BTAF1: variants seen among roughly 807,000 people sequenced by gnomAD.
BTAF1 encodes the protein TATA-binding protein-associated factor 172.
A neutral mutation model predicts 227.1 loss-of-function variants in BTAF1; 38 were observed. That is an observed-to-expected ratio of 0.17 (90% CI 0.13 to 0.22). The LOEUF (loss-of-function observed/expected upper bound fraction) is 0.22, where lower values mean the gene tolerates loss of function less well. Ranked by LOEUF, BTAF1 falls within the 10% of genes least tolerant of loss-of-function variation. The pLI is 1.00. For missense variants in BTAF1, 1,598 were observed against 2,204.0 expected (o/e 0.73, Z 5.51); for synonymous variants, 742 against 751.9 (o/e 0.99, Z 0.21).
At chr10:91,962,812 A>G in intron 12 of BTAF1, 134 bp downstream of exon 12, 1 of 661,248 alleles carries the variant, frequency 1.5e-6, no homozygotes, top group Non-Finnish European at 2.5e-6. Context: ...CCTCTGATGC[A>G]TGCAATCTTG....
In BTAF1 at chr10:92,016,372, T is replaced by C. The variant is rs1171636577; in HGVS notation, c.4617T>C (p.Arg1539=). The C allele has an allele frequency of 1.9e-6, 3 of 1,599,802 alleles. No homozygotes were observed. The highest frequency in any genetic ancestry group is 3.5e-5 in the Admixed American group (2 of 57,524). Residue 1539 remains arginine (R), a synonymous_variant, in exon 33 of 38, where the codon CGT becomes CGC. Coordinates refer to ENST00000265990, the MANE Select transcript of BTAF1 (RefSeq NM_003972.3). The stretch of plus-strand genomic sequence containing the variant: ...TCTATGAAGATTTTGCTAAGTCTCG[T>C]GCCAAGTGTGATGTTGATGAAACAG... ...VQLYEDFAKS[R]AKCDVDETVS...
chr10:92,006,399 C>G (rs1849887005), intron 25 of BTAF1, among the ~76,000 whole-genome samples: 1 of 152,174 alleles, frequency 6.6e-6, no homozygotes, highest in African/African-American at 2.4e-5. Context: ...TTCATACTCT[C>G]TTACATTGAA....
At chr10:92,007,588 A>G (rs1442796482) in intron 25 of BTAF1, among the ~76,000 whole-genome samples, 1 of 152,240 alleles carries the variant, frequency 6.6e-6, no homozygotes, top group East Asian at 1.9e-4. Context: ...TCTAAGAAAT[A>G]TGACTACTAG....
Position 92,016,432 on chromosome 10 carries a change from A to C in BTAF1, c.4677A>C (p.Lys1559Asn), listed in dbSNP as rs1256794335. The change falls in exon 33 of 38, where the codon AAA becomes AAC. Residue 1559 changes from lysine to asparagine, a missense_variant. Lys to Asn is a moderately conservative substitution (Grantham distance 94). This residue lies in a region of BTAF1 where 205 missense variants were observed against 244.5 expected (regional missense o/e 0.84). Coordinates refer to ENST00000265990, the MANE Select transcript of BTAF1 (RefSeq NM_003972.3). Reference sequence around the variant, plus strand: ...CTACACTTTCTGAAGAAACTGAAAAACCAAAGCTTAAAGCTACAGGCCACG... The same window carrying C: ...CTACACTTTCTGAAGAAACTGAAAACCCAAAGCTTAAAGCTACAGGCCACG... Reference protein sequence around the residue: ...SSATLSEETEKPKLKATGHVF... With the variant: ...SSATLSEETENPKLKATGHVF... 6.3e-7 allele frequency: 1 copy of C among 1,590,224 alleles called. No individual in the cohort carries two copies. The highest frequency in any genetic ancestry group is 1.8e-5 in the Admixed American group (1 of 54,712).
At position 91,935,860 on chromosome 10, in the gene BTAF1, A is replaced by G. The variant is rs953806356; in HGVS notation, c.138+80A>G. On this transcript the variant is annotated intron_variant, in intron 2 of 37. Transcript: ENST00000265990. The stretch of plus-strand genomic sequence containing the variant: ...GATAGGAACACAAAAATAAAGGTAA[A>G]CATCATCTTAATTTTTAAACATTTT... 6 of 1,242,134 alleles carry G rather than the reference A, an allele frequency of 4.8e-6. No homozygotes were observed. The South Asian group carries it at 6.3e-5, about 13-fold the overall frequency. 76.9% of individuals were successfully genotyped at this position (1,242,134 alleles called of 1,614,324 possible).
At chr10:91,953,612 CA>C in intron 5 of BTAF1, 124 bp from the exon 6 acceptor site, 1 of 1,083,372 alleles carries the variant, frequency 9.2e-7, no homozygotes, top group Non-Finnish European at 1.3e-6. Context: ...GTGAACCTGT[CA>C]AAAAAGAATG....
intron 6 of BTAF1, among the ~76,000 whole-genome samples, chr10:91,954,240 G>A (rs534503690): frequency 6.6e-6 from 1 of 152,276 alleles, no homozygotes; most frequent in South Asian, 2.1e-4. Context: ...GAGAGTGATA[G>A]AGAATGAAAT....
chr10:91,986,281 T>C (rs1475001028), intron 19 of BTAF1, among the ~76,000 whole-genome samples: 1 of 152,208 alleles, frequency 6.6e-6, no homozygotes, highest in East Asian at 1.9e-4. Context: ...ATGCTGTGTA[T>C]CTGGGCCATT....
chr10:91,940,900 G>C (rs1844948510), intron 3 of BTAF1, among the ~76,000 whole-genome samples: 1 of 151,842 alleles, frequency 6.6e-6, no homozygotes, highest in Non-Finnish European at 1.5e-5. Context: ...GCCAGGCTCG[G>C]GGGGGTGGGG....
At chr10:91,937,097 C>T (rs527704338) in intron 2 of BTAF1, among the ~76,000 whole-genome samples, 1 of 151,196 alleles carries the variant, frequency 6.6e-6, no homozygotes, top group Non-Finnish European at 1.5e-5. Context: ...TGGGTTCAGG[C>T]GATTCTCCTG....
At chr10:91,941,847 T>G (rs912521884) in intron 3 of BTAF1, among the ~76,000 whole-genome samples, 1 of 152,234 alleles carries the variant, frequency 6.6e-6, no homozygotes, top group African/African-American at 2.4e-5. Context: ...CTTTTGTGGT[T>G]GGACACAGTT....
chr10:91,964,333 C>T (rs1211863024), intron 13 of BTAF1, 132 bp downstream of exon 13: 25 of 1,048,358 alleles, frequency 2.4e-5, no homozygotes, highest in Admixed American at 1.5e-4. Context: ...CAAAGACTAC[C>T]GTTTTCAGAA....
intron 22 of BTAF1, among the ~76,000 whole-genome samples, chr10:91,994,104 A>G (rs1287751028): frequency 1.3e-5 from 2 of 152,172 alleles, no homozygotes; most frequent in Non-Finnish European, 1.5e-5. Flanking sequence ...ACTTGAGGTC[A>G]GGAGTTTGAG....
chr10:92,008,072 A>G, intron 25 of BTAF1, 51 bp from the exon 26 acceptor site: 1 of 1,468,200 alleles, frequency 6.8e-7, no homozygotes, highest in Middle Eastern at 1.7e-4. Flanking sequence ...TGATCTAAGA[A>G]TGAAAACTGT....
At chr10:91,990,692 C>T (rs978140509) in intron 20 of BTAF1, among the ~76,000 whole-genome samples, 11 of 152,224 alleles carry the variant, frequency 7.2e-5, no homozygotes, top group African/African-American at 2.6e-4. Flanking sequence ...ACTCGGGAGG[C>T]TGAGGCAAGA....
At chr10:92,027,046 A>C (rs981138633) in intron 36 of BTAF1, 84 bp from the exon 37 acceptor site, 1 of 1,376,282 alleles carries the variant, frequency 7.3e-7, no homozygotes, top group Non-Finnish European at 9.9e-7. Flanking sequence ...AGTATAAAAT[A>C]GTACAAGTCT....
intron 3 of BTAF1, among the ~76,000 whole-genome samples, chr10:91,941,992 A>G (rs765550232): frequency 2.6e-5 from 4 of 152,174 alleles, no homozygotes; most frequent in South Asian, 2.1e-4. Context: ...AAATATTACT[A>G]TCCGGGTACA....
chr10:92,030,879 T>TAAG lies in BTAF1; in HGVS notation c.*1949_*1951dup, dbSNP rs951968562. Among the ~76,000 whole-genome samples the TAAG allele has an allele frequency of 3.9e-5, 6 of 152,100 alleles. No individual in the cohort carries two copies. Among genetic ancestry groups the TAAG allele is most frequent in the Non-Finnish European group, 8.8e-5 (6 of 67,998 alleles). On this transcript the variant is annotated 3_prime_UTR_variant, in exon 38 of 38. Transcript: ENST00000265990. ...ATAGAAAGGAAAACATGTAAACAGG[T>TAAG]AAGAACTAAGTATTCTTAATTAAAT...
chr10:91,935,918 T>TTAAACTTTTTTTTTTTTTAATCAAG (rs1844579184), intron 2 of BTAF1, 138 bp downstream of exon 2: 1 of 876,276 alleles, frequency 1.1e-6, no homozygotes, highest in Non-Finnish European at 1.6e-6. Context: ...GTCACAAGAC[T>TTAAACTTTTTTTTTTTTTAATCAAG]TAAACTTTTT....
Sources: allele counts gnomAD v4.1 joint callset (sites outside exome capture counted in the v4.1 genomes callset), GRCh38; gene constraint gnomAD v4.1.1; regional missense constraint gnomAD v4.1.1; transcripts MANE v1.5; gene names NCBI Gene and HGNC (gene_info 2026-07-23, HGNC 2026-07-21).